Variants in ARHGAP24 observed in about 807,000 individuals in gnomAD.
The protein encoded by ARHGAP24 is rho GTPase-activating protein 24.
In ARHGAP24, 50 loss-of-function variants were observed where a neutral mutation model predicts 76.4. That is an observed-to-expected ratio of 0.65 (90% CI 0.52 to 0.83). ARHGAP24 has a LOEUF of 0.83. ARHGAP24 is among the 40% of genes least tolerant of loss of function. The probability of loss-of-function intolerance (pLI) is 0.00; values close to 1 mark genes in which losing one functional copy is unlikely to be tolerated. For synonymous variants in ARHGAP24, 345 were observed against 323.3 expected, an observed-to-expected ratio of 1.07 and a Z score of -0.72; for missense variants, 930 against 914.2, an observed-to-expected ratio of 1.02 and a Z score of -0.22.
intron 2 of ARHGAP24, among the ~76,000 whole-genome samples, chr4:85,682,462 T>C (rs1723241361): frequency 6.6e-6 from 1 of 152,128 alleles, no homozygotes; most frequent in Admixed American, 6.6e-5. Context: ...CTAAGGGAAA[T>C]CAAAGACAGC....
intron 4 of ARHGAP24, chr4:85,930,420 C>T (rs1047650765): frequency 1.0e-6 from 1 of 985,894 alleles, no homozygotes; most frequent in Non-Finnish European, 1.2e-6. Context: ...ATTTTCCTCC[C>T]CTCTTGCTCA....
chr4:85,785,579 A>T (rs1348472041), intron 3 of ARHGAP24, among the ~76,000 whole-genome samples: 2 of 152,166 alleles, frequency 1.3e-5, no homozygotes, highest in East Asian at 3.9e-4. Context: ...ACATAACGCA[A>T]ATAAACACTT....
intron 1 of ARHGAP24, among the ~76,000 whole-genome samples, chr4:85,553,281 G>A (rs893358397): frequency 2.6e-5 from 4 of 152,174 alleles, no homozygotes; most frequent in Admixed American, 2.6e-4. Flanking sequence ...ACACAGCAGG[G>A]AAGGGGACCC....
chr4:85,484,798 G>A (rs1390232270), intron 1 of ARHGAP24, among the ~76,000 whole-genome samples: 3 of 151,916 alleles, frequency 2.0e-5, no homozygotes, highest in Admixed American at 6.6e-5. Flanking sequence ...TGTCTTTTTA[G>A]TAGAGATGGG....
chr4:85,821,931 T>C (rs927320868), intron 3 of ARHGAP24, among the ~76,000 whole-genome samples: 1 of 152,224 alleles, frequency 6.6e-6, no homozygotes, highest in Non-Finnish European at 1.5e-5. Context: ...AAGTATTTAC[T>C]GTTTTTCTTA....
At chr4:85,912,589 G>T (rs530911228) in intron 3 of ARHGAP24, among the ~76,000 whole-genome samples, 7 of 152,032 alleles carry the variant, frequency 4.6e-5, no homozygotes, top group Admixed American at 3.9e-4. Flanking sequence ...CACTTCTTTT[G>T]TGTATACCCA....
intron 3 of ARHGAP24, among the ~76,000 whole-genome samples, chr4:85,885,604 TTAAAA>T (rs1263212509): frequency 2.0e-5 from 3 of 152,148 alleles, no homozygotes; most frequent in African/African-American, 7.2e-5. Flanking sequence ...TGTCTTAGAC[TTAAAA>T]TAATAATACC....
chr4:85,599,714 A>G (rs143069879), intron 2 of ARHGAP24, among the ~76,000 whole-genome samples: 2 of 152,188 alleles, frequency 1.3e-5, no homozygotes, highest in Non-Finnish European at 2.9e-5. Context: ...TAAATATAAA[A>G]TTTAAGTATA....
chr4:85,684,620 C>T (rs574013540), intron 2 of ARHGAP24, among the ~76,000 whole-genome samples: 1 of 152,148 alleles, frequency 6.6e-6, no homozygotes, highest in Non-Finnish European at 1.5e-5. Context: ...TTTTGTGGAT[C>T]TGCAGTGTAT....
intron 3 of ARHGAP24, among the ~76,000 whole-genome samples, chr4:85,811,096 A>G (rs910865957): frequency 4.6e-5 from 7 of 152,166 alleles, no homozygotes; most frequent in Non-Finnish European, 8.8e-5. Context: ...TAACTTAATG[A>G]CAAGATAGGG....
At chr4:85,511,035 G>A (rs906929077) in intron 1 of ARHGAP24, among the ~76,000 whole-genome samples, 14 of 151,982 alleles carry the variant, frequency 9.2e-5, no homozygotes, top group Admixed American at 2.6e-4. Context: ...GCCATCTAAC[G>A]GCCACCCATA....
chr4:85,494,912 C>A (rs970550379), intron 1 of ARHGAP24, among the ~76,000 whole-genome samples: 1 of 151,594 alleles, frequency 6.6e-6, no homozygotes, highest in Non-Finnish European at 1.5e-5. Context: ...GTCTGGCCAA[C>A]ATAGTGAAAC....
At chr4:85,665,360 C>A (rs139172486) in intron 2 of ARHGAP24, among the ~76,000 whole-genome samples, 5,937 of 151,998 alleles carry the variant, frequency 0.039, 379 homozygotes, top group African/African-American at 0.13. Context: ...TGTTTTCCAT[C>A]TGCTTGGTAG....
intron 1 of ARHGAP24, among the ~76,000 whole-genome samples, chr4:85,500,522 G>A (rs1024386308): frequency 6.6e-6 from 1 of 152,126 alleles, no homozygotes; most frequent in African/African-American, 2.4e-5. Flanking sequence ...CTGTATAAAT[G>A]TTTACCAAAA....
intron 6 of ARHGAP24, 61 bp from the exon 7 acceptor site, chr4:85,974,827 T>G (rs1410019504): frequency 1.1e-5 from 17 of 1,520,490 alleles, no homozygotes; most frequent in Non-Finnish European, 1.5e-5. Flanking sequence ...CCATTTCGAC[T>G]TGCTTTAATT....
intron 1 of ARHGAP24, among the ~76,000 whole-genome samples, chr4:85,548,408 G>A (rs1726000329): frequency 6.6e-6 from 1 of 152,088 alleles, no homozygotes; most frequent in South Asian, 2.1e-4. Flanking sequence ...ATATCTATGT[G>A]CCTATCGATG....
At chr4:85,997,681 T>C (rs987680159) in intron 9 of ARHGAP24, among the ~76,000 whole-genome samples, 2 of 152,094 alleles carry the variant, frequency 1.3e-5, no homozygotes, top group Non-Finnish European at 2.9e-5. Flanking sequence ...TTTGACAGAG[T>C]CTCACTCTGT....
intron 3 of ARHGAP24, among the ~76,000 whole-genome samples, chr4:85,833,058 T>G (rs958990805): frequency 3.9e-5 from 6 of 152,252 alleles, no homozygotes; most frequent in Non-Finnish European, 7.3e-5. Flanking sequence ...TCCAAATTGA[T>G]GCCTGTGTTT....
intron 3 of ARHGAP24, among the ~76,000 whole-genome samples, chr4:85,915,230 GCACAAATAGCA>G (rs1172715832): frequency 1.3e-5 from 2 of 152,122 alleles, no homozygotes; most frequent in Non-Finnish European, 2.9e-5. Flanking sequence ...GACATGCTCA[GCACAAATAGCA>G]CACTTTTGAA....
Sources: allele counts gnomAD v4.1 joint callset (sites outside exome capture counted in the v4.1 genomes callset), GRCh38; gene constraint gnomAD v4.1.1; transcripts MANE v1.5; gene names NCBI Gene and HGNC (gene_info 2026-07-23, HGNC 2026-07-21).